CD1D: variants seen among roughly 807,000 people sequenced by gnomAD.
CD1D encodes the protein antigen-presenting glycoprotein CD1d.
CD1D carries 40 observed loss-of-function variants against 42.1 expected under a neutral mutation model. The observed-to-expected ratio is 0.95, with a 90% CI of 0.74 to 1.24. The LOEUF (loss-of-function observed/expected upper bound fraction) is 1.24. Among genes scored for constraint, CD1D ranks in the 50% most tolerant of loss-of-function variants. CD1D has a pLI of 0.00. For missense variants in CD1D, 437 were observed against 416.5 expected (o/e 1.05, Z -0.43); for synonymous variants, 178 against 171.8 (o/e 1.04, Z -0.28).
chr1:158,178,225 C>G (rs565950870), upstream of CD1D, among the ~76,000 whole-genome samples: 23 of 152,326 alleles, frequency 1.5e-4, no homozygotes, highest in East Asian at 4.2e-3. Flanking sequence ...CCATTATGCT[C>G]TGAATAAAGA....
At position 158,184,895 on chromosome 1, in the gene CD1D, T is replaced by C. The variant is rs192753052; in HGVS notation, c.*745T>C. On this transcript the variant is annotated 3_prime_UTR_variant, in exon 6 of 6. Coordinates refer to ENST00000674085, the MANE Select transcript of CD1D (RefSeq NM_001371762.2). Reference sequence around the variant, plus strand: ...GTAATTAATAAACGAAGATAAATCATAGTGTATGTGTATTATGTTGAAAAA... The same window carrying C: ...GTAATTAATAAACGAAGATAAATCACAGTGTATGTGTATTATGTTGAAAAA... 1 of 152,384 alleles carries C rather than the reference T, an allele frequency of 6.6e-6. No individual in the cohort carries two copies. The allele number at this position is 152,384 out of a possible 1,614,324, so 9.4% of individuals were successfully genotyped here.
rs967067063 is a variant in CD1D, at chr1:158,181,109, G to C, written c.8G>C (p.Cys3Ser). 3.2e-6 allele frequency: 5 copies of C among 1,547,944 alleles called. No homozygotes were observed. The South Asian group carries it at 3.6e-5, about 11-fold the overall frequency. Residue 3 changes from cysteine (C) to serine (S), a missense_variant, in exon 1 of 6, where the codon TGC becomes TCC. Coordinates refer to ENST00000674085, the MANE Select transcript of CD1D (RefSeq NM_001371762.2). MG[C>S]LLFLLLWALL... ...GTCCCCACGCCGGGCGATATGGGGTGCCTGCTGTTTCTGCTGCTCTGGGCG... is the reference window on the plus strand; with the variant it reads ...GTCCCCACGCCGGGCGATATGGGGTCCCTGCTGTTTCTGCTGCTCTGGGCG...
chr1:158,184,857 A>G lies in CD1D; in HGVS notation c.*707A>G, dbSNP rs557338212. 5.8e-4 allele frequency: 89 copies of G among 152,290 alleles called. No individual in the cohort carries two copies. The highest frequency in any genetic ancestry group is 2.0e-3 in the African/African-American group (85 of 41,544). 9.4% of individuals were successfully genotyped at this position (152,290 alleles called of 1,614,324 possible). A position where few individuals can be genotyped will look rare whatever the true frequency, so the allele number is the denominator to read the frequency against. On this transcript the variant is annotated 3_prime_UTR_variant, in exon 6 of 6. Coordinates refer to ENST00000674085, the MANE Select transcript of CD1D (RefSeq NM_001371762.2). ...GTTATAAGAAACAGAGGCGTCTCAC[A>G]TTTTTACTTGGTGTAATTAATAAAC... is the stretch of plus-strand genomic sequence containing the variant.
upstream of CD1D, among the ~76,000 whole-genome samples, chr1:158,179,579 G>T (rs1281302281): frequency 6.6e-6 from 1 of 152,192 alleles, no homozygotes; most frequent in Non-Finnish European, 1.5e-5. Context: ...ATGCTGAGAG[G>T]ATGGCTTCTC....
chr1:158,184,240 G>A lies in CD1D; in HGVS notation c.*90G>A, dbSNP rs762579648. 2.9e-6 allele frequency: 4 copies of A among 1,357,128 alleles called. No homozygotes were observed. Among genetic ancestry groups the A allele is most frequent in the Non-Finnish European group, 4.2e-6 (4 of 955,702 alleles). 84.1% of individuals were successfully genotyped at this position (1,357,128 alleles called of 1,614,324 possible). On this transcript the variant is annotated 3_prime_UTR_variant, in exon 6 of 6. Coordinates refer to ENST00000674085, the MANE Select transcript of CD1D (RefSeq NM_001371762.2). Reference sequence around the variant, plus strand: ...AGTCCTGGTCTGCTCAGGAATTGAAGATGTAAGGAATTGAAGATAGGAGAG... The same window carrying A: ...AGTCCTGGTCTGCTCAGGAATTGAAAATGTAAGGAATTGAAGATAGGAGAG...
At position 158,184,288 on chromosome 1, in the gene CD1D, A is replaced by T; in HGVS notation, c.*138A>T. ...GAGATACCTTGAAAAAGTAGAGAAC[A>T]GTCATGAGGCAGCTTTCATCACACC... On this transcript the variant is annotated 3_prime_UTR_variant, in exon 6 of 6. Transcript: ENST00000674085. The T allele has an allele frequency of 1.2e-6, 1 of 819,262 alleles. No homozygotes were observed. The highest frequency in any genetic ancestry group is 2.4e-5 in the East Asian group (1 of 41,226). 50.7% of individuals were successfully genotyped at this position (819,262 alleles called of 1,614,324 possible). A position where few individuals can be genotyped will look rare whatever the true frequency, so the allele number is the denominator to read the frequency against.
At chr1:158,181,193 C>T (rs1330433621) in intron 1 of CD1D, 31 bp downstream of exon 1, 1 of 1,546,132 alleles carries the variant, frequency 6.5e-7, no homozygotes, top group Admixed American at 2.0e-5. Flanking sequence ...TGAGTGCACT[C>T]GCGGGAGGGC....
chr1:158,184,363 T>C lies in CD1D; in HGVS notation c.*213T>C. The C allele has an allele frequency of 6.7e-6, 4 of 599,168 alleles. No individual in the cohort carries two copies. 37.1% of individuals were successfully genotyped at this position (599,168 alleles called of 1,614,324 possible). A position where few individuals can be genotyped will look rare whatever the true frequency, so the allele number is the denominator to read the frequency against. ...TTAAATTCTTTTTCAAAAATTACAC[T>C]ACAAGTTTATAAGCCCAAATGGCTC... is the stretch of plus-strand genomic sequence containing the variant. On this transcript the variant is annotated 3_prime_UTR_variant, in exon 6 of 6. Coordinates refer to ENST00000674085, the MANE Select transcript of CD1D (RefSeq NM_001371762.2).
At chr1:158,181,791 G>C in intron 2 of CD1D, 70 bp downstream of exon 2, 1 of 1,562,066 alleles carries the variant, frequency 6.4e-7, no homozygotes, top group Non-Finnish European at 8.7e-7. Flanking sequence ...TCAACTGGGA[G>C]ACTGTGGCAC....
chr1:158,184,558 G>A lies in CD1D; in HGVS notation c.*408G>A, dbSNP rs1648626303. 2 of 188,618 alleles carry A rather than the reference G, an allele frequency of 1.1e-5. No individual in the cohort carries two copies. Among genetic ancestry groups the A allele is most frequent in the Non-Finnish European group, 2.2e-5 (2 of 91,092 alleles). The allele number at this position is 188,618 out of a possible 1,614,324, so 11.7% of individuals were successfully genotyped here. A position where few individuals can be genotyped will look rare whatever the true frequency, so the allele number is the denominator to read the frequency against. On this transcript the variant is annotated 3_prime_UTR_variant, in exon 6 of 6. Coordinates refer to ENST00000674085, the MANE Select transcript of CD1D (RefSeq NM_001371762.2). ...TGCTTGTTGTCAAGTATAAAGTCAG[G>A]ACCTGGCTTGGCTTTAACCGTTTTT...
rs1269537371 is a variant in CD1D, at chr1:158,184,687, C to G, written c.*537C>G. 1 of 153,578 alleles carries G rather than the reference C, an allele frequency of 6.5e-6. No homozygotes were observed. Among genetic ancestry groups the G allele is most frequent in the Admixed American group, 6.5e-5 (1 of 15,498 alleles). 9.5% of individuals were successfully genotyped at this position (153,578 alleles called of 1,614,324 possible). ...GTGGGACACCTCAAATACATACCTA[C>G]TGACTGATGACAAACCCAGGAGTTT... On this transcript the variant is annotated 3_prime_UTR_variant, in exon 6 of 6. Coordinates refer to ENST00000674085, the MANE Select transcript of CD1D (RefSeq NM_001371762.2).
Position 158,182,870 on chromosome 1 carries a change from G to A in CD1D, c.608-8G>A, listed in dbSNP as rs1648512802. On this transcript the variant is annotated splice_polypyrimidine_tract_variant and splice_region_variant and intron_variant, in intron 3 of 5. Transcript: ENST00000674085. The stretch of plus-strand genomic sequence containing the variant: ...TTAAGATCCCCCCCATTCCCTTGTT[G>A]GATACAGTGAAGCCCAAGGCCTGGC... 6.3e-7 allele frequency: 1 copy of A among 1,597,262 alleles called. No individual in the cohort carries two copies. The highest frequency in any genetic ancestry group is 1.7e-5 in the Admixed American group (1 of 59,028).
intron 4 of CD1D, 70 bp downstream of exon 4, chr1:158,183,226 G>T: frequency 1.3e-6 from 2 of 1,527,264 alleles, no homozygotes; most frequent in Non-Finnish European, 1.8e-6. Context: ...AGGCACTGGG[G>T]TGGGATGTGG....
In CD1D at chr1:158,181,152, A is replaced by T. The variant is rs1381233016; in HGVS notation, c.51A>T (p.Gly17=). The T allele has an allele frequency of 6.5e-7, 1 of 1,549,046 alleles. No homozygotes were observed. The highest frequency in any genetic ancestry group is 2.0e-5 in the Admixed American group (1 of 50,856). The change falls in exon 1 of 6, where the codon GGA becomes GGT. Residue 17 remains glycine (G), a synonymous_variant. Coordinates refer to ENST00000674085, the MANE Select transcript of CD1D (RefSeq NM_001371762.2). ...TCTGGGCGCTCCTCCAGGCTTGGGG[A>T]AGCGCTGAAGGTGGGTGGAACGAGG... ...LLLWALLQAW[G]SAEVPQRLFP... is the part of the protein sequence containing the mutation.
rs142254126 is a variant in CD1D, at chr1:158,182,055, G to T, written c.352G>T (p.Ala118Ser). ...AGATCCCTTGGAGCTCCAGGTGTCC[G>T]CTGGCTGTGAGGTGCACCCTGGGAA... is the stretch of plus-strand genomic sequence containing the variant. The part of the protein sequence containing the change: ...LSYPLELQVS[A>S]GCEVHPGNAS... Residue 118 changes from alanine (A) to serine (S), a missense_variant, in exon 3 of 6, where the codon GCT (alanine) becomes TCT (serine). Ala to Ser is a moderately conservative substitution (Grantham distance 99). Transcript: ENST00000674085. The T allele has an allele frequency of 6.2e-4, 997 of 1,610,216 alleles. 3 individuals carry two copies. Among genetic ancestry groups the T allele is most frequent in the Admixed American group, 8.4e-4 (50 of 59,740 alleles).
rs149673076 is a variant in CD1D, at chr1:158,182,112, C to G, written c.409C>G (p.Gln137Glu). The G allele has an allele frequency of 1.2e-6, 2 of 1,614,140 alleles. No homozygotes were observed. The highest frequency in any genetic ancestry group is 4.5e-5 in the East Asian group (2 of 44,880). The change falls in exon 3 of 6, where the codon CAA becomes GAA. Residue 137 changes from glutamine (Q) to glutamate (E), a missense_variant. Coordinates refer to ENST00000674085, the MANE Select transcript of CD1D (RefSeq NM_001371762.2). ...ASNNFFHVAF[Q>E]GKDILSFQGT... ...AAATAACTTCTTCCATGTAGCATTT[C>G]AAGGAAAAGATATCCTGAGTTTCCA...
Position 158,181,677 on chromosome 1 carries a change from T to G in CD1D, c.284T>G (p.Phe95Cys), listed in dbSNP as rs773523873. 6.2e-7 allele frequency: 1 copy of G among 1,613,322 alleles called. No homozygotes were observed. Among genetic ancestry groups the G allele is most frequent in the South Asian group, 1.1e-5 (1 of 91,084 alleles). The change falls in exon 2 of 6, where the codon TTC becomes TGC. Residue 95 changes from phenylalanine (F) to cysteine (C), a missense_variant. Coordinates refer to ENST00000674085, the MANE Select transcript of CD1D (RefSeq NM_001371762.2). Reference sequence around the variant, plus strand: ...ATATTTCGGGTTTATCGAAGCAGCTTCACCAGGGACGTGAAGGAATTCGCC... The same window carrying G: ...ATATTTCGGGTTTATCGAAGCAGCTGCACCAGGGACGTGAAGGAATTCGCC... ...QHIFRVYRSS[F>C]TRDVKEFAKM... is the part of the protein sequence containing the mutation.
rs765927009 is a variant in CD1D, at chr1:158,181,473, C to T, written c.80C>T (p.Pro27Leu). Residue 27 changes from proline (P) to leucine (L), a missense_variant, in exon 2 of 6, where the codon CCC becomes CTC. Physicochemically the swap from Pro to Leu is moderately conservative, Grantham distance 98. Coordinates refer to ENST00000674085, the MANE Select transcript of CD1D (RefSeq NM_001371762.2). ...GSAEVPQRLF[P>L]LRCLQISSFA... ...CTCCCAGTCCCGCAAAGGCTTTTCC[C>T]CCTCCGCTGCCTCCAGATCTCGTCC... 4.8e-5 allele frequency: 78 copies of T among 1,614,100 alleles called. No homozygotes were observed. The highest frequency in any genetic ancestry group is 5.9e-5 in the Non-Finnish European group (70 of 1,179,990).
In CD1D at chr1:158,182,890, C is replaced by T. The variant is rs1237218636; in HGVS notation, c.620C>T (p.Ala207Val). ...SELKKQVKPK[A>V]WLSRGPSPGP... ...TTGTTGGATACAGTGAAGCCCAAGGCCTGGCTGTCCCGTGGCCCCAGTCCT... is the reference window on the plus strand; with the variant it reads ...TTGTTGGATACAGTGAAGCCCAAGGTCTGGCTGTCCCGTGGCCCCAGTCCT... Residue 207 changes from alanine (A) to valine (V), a missense_variant, in exon 4 of 6, where the codon GCC becomes GTC. Transcript: ENST00000674085. 1.2e-6 allele frequency: 2 copies of T among 1,608,748 alleles called. No individual in the cohort carries two copies. Among genetic ancestry groups the T allele is most frequent in the Non-Finnish European group, 1.7e-6 (2 of 1,176,798 alleles).
Sources: allele counts gnomAD v4.1 joint callset (sites outside exome capture counted in the v4.1 genomes callset), GRCh38; gene constraint gnomAD v4.1.1; transcripts MANE v1.5; gene names NCBI Gene and HGNC (gene_info 2026-07-23, HGNC 2026-07-21).